Variants in MBD5 observed in about 807,000 individuals in gnomAD.
MBD5 encodes methyl-CpG binding domain protein 5, also known as methyl-CpG-binding domain protein 5.
MBD5 carries 13 observed loss-of-function variants against 117.3 expected under a neutral mutation model. The observed-to-expected ratio is 0.11, with a 90% confidence interval of 0.07 to 0.18. The LOEUF is 0.18. Among genes scored for constraint, MBD5 ranks in the 10% least tolerant of loss-of-function variants. The pLI is 1.00. For synonymous variants in MBD5, 727 were observed against 766.4 expected, an observed-to-expected ratio of 0.95 and a Z score of 0.85; for missense variants, 1,879 against 2,093.8, an observed-to-expected ratio of 0.90 and a Z score of 2.00.
At chr2:148,116,567 C>A (rs927246565) in intron 1 of MBD5, among the ~76,000 whole-genome samples, 1 of 152,142 alleles carries the variant, frequency 6.6e-6, no homozygotes, top group Non-Finnish European at 1.5e-5. Flanking sequence ...CCAGGGTGGA[C>A]GTGTAGGTTA....
At chr2:148,201,812 T>C (rs1394935503) in intron 2 of MBD5, among the ~76,000 whole-genome samples, 2 of 152,116 alleles carry the variant, frequency 1.3e-5, no homozygotes, top group East Asian at 3.9e-4. Flanking sequence ...GGGCTCAGAC[T>C]GGGGGAGTGT....
At position 148,468,812 on chromosome 2, in the gene MBD5, C is replaced by A; in HGVS notation, c.869C>A (p.Ala290Glu). 1.2e-6 allele frequency: 2 copies of A among 1,613,912 alleles called. No individual in the cohort carries two copies. Among genetic ancestry groups the A allele is most frequent in the African/African-American group, 2.7e-5 (2 of 75,004 alleles). Reference sequence around the variant, plus strand: ...GGTTCTCCTGTACAGTCATCCTGTGCAATGGCTGGAAGGACTAATATACCT... The same window carrying A: ...GGTTCTCCTGTACAGTCATCCTGTGAAATGGCTGGAAGGACTAATATACCT... ...LHGSPVQSSC[A>E]MAGRTNIPLS... The change falls in exon 8 of 14, where the codon GCA becomes GAA. Residue 290 changes from alanine (A) to glutamate (E), a missense_variant. Transcript: ENST00000642680.
intron 1 of MBD5, among the ~76,000 whole-genome samples, chr2:148,087,354 C>G (rs1695822048): frequency 6.6e-6 from 1 of 152,232 alleles, no homozygotes; most frequent in South Asian, 2.1e-4. Flanking sequence ...CTGCAACATC[C>G]TGGCTAACCA....
At chr2:148,298,352 C>G (rs1368285694) in intron 3 of MBD5, among the ~76,000 whole-genome samples, 2 of 152,144 alleles carry the variant, frequency 1.3e-5, no homozygotes, top group Admixed American at 6.5e-5. Context: ...GTAATCTTGA[C>G]CACACCTACC....
At position 148,510,074 on chromosome 2, in the gene MBD5, A is replaced by G. The variant is rs762025518; in HGVS notation, c.5051A>G (p.Asn1684Ser). 6.2e-7 allele frequency: 1 copy of G among 1,611,760 alleles called. No homozygotes were observed. The highest frequency in any genetic ancestry group is 1.1e-5 in the South Asian group (1 of 91,012). Residue 1684 changes from asparagine (N) to serine (S), a missense_variant, in exon 13 of 14, where the codon AAT becomes AGT. Asn to Ser is a conservative substitution (Grantham distance 46, BLOSUM62 1). Around this residue, in one of 4 missense-constraint regions of MBD5, gnomAD observed 135 missense variants for 148.0 expected, o/e 0.91. Transcript: ENST00000642680. ...RKRNRKSGKL[N>S]NHLEAAIHEA... The stretch of plus-strand genomic sequence containing the variant: ...ATTAATTCCAGAAGTGGAAAGCTAA[A>G]TAACCATTTAGAAGCTGCTATTCAT...
intron 5 of MBD5, among the ~76,000 whole-genome samples, chr2:148,462,233 G>A (rs2105567336): frequency 6.6e-6 from 1 of 152,266 alleles, no homozygotes; most frequent in Non-Finnish European, 1.5e-5. Flanking sequence ...TAAAATGAGA[G>A]TCATTGCTTT....
At chr2:148,467,506 A>T (rs1680589640) in intron 7 of MBD5, among the ~76,000 whole-genome samples, 2 of 152,182 alleles carry the variant, frequency 1.3e-5, no homozygotes, top group South Asian at 4.1e-4. Context: ...AAAGAATTGA[A>T]GTCTGTGGCC....
intron 3 of MBD5, chr2:148,296,420 A>G (rs1295601512): frequency 1.3e-5 from 2 of 154,808 alleles, no homozygotes; most frequent in Non-Finnish European, 2.9e-5. Context: ...GCACATTAAA[A>G]TTTTCCTTCT....
At chr2:148,412,507 A>G (rs1705291885) in intron 4 of MBD5, among the ~76,000 whole-genome samples, 1 of 151,918 alleles carries the variant, frequency 6.6e-6, no homozygotes, top group Non-Finnish European at 1.5e-5. Context: ...TGTCATTGGT[A>G]GTTTTGTAGG....
In MBD5 at chr2:148,468,878, A is replaced by T. The variant is rs146031838; in HGVS notation, c.935A>T (p.Lys312Ile). 1.7e-5 allele frequency: 28 copies of T among 1,613,800 alleles called. No individual in the cohort carries two copies. In the African/African-American group the frequency reaches 3.3e-4, roughly 19 times the overall value. The change falls in exon 8 of 14, where the codon AAA becomes ATA. Residue 312 changes from lysine (K) to isoleucine (I), a missense_variant. This residue lies in a region of MBD5 where 1,666 missense variants were observed against 1,792.2 expected (regional missense o/e 0.93). Coordinates refer to ENST00000642680, the MANE Select transcript of MBD5 (RefSeq NM_001378120.1). ...TLTTKSPVMK[K>I]PMCNFSTNME... ...ACTACAAAGAGTCCAGTAATGAAAA[A>T]ACCAATGTGTAATTTTTCAACTAAT...
chr2:148,132,283 G>C (rs2105475492), intron 1 of MBD5, among the ~76,000 whole-genome samples: 1 of 149,738 alleles, frequency 6.7e-6, no homozygotes, highest in Non-Finnish European at 1.5e-5. Context: ...TTTTTCTAGA[G>C]ACCTTCAAGT....
intron 1 of MBD5, among the ~76,000 whole-genome samples, chr2:148,098,543 G>A (rs1346686353): frequency 6.6e-6 from 1 of 152,114 alleles, no homozygotes; most frequent in Non-Finnish European, 1.5e-5. Context: ...GACGGAGCCC[G>A]GTGGACAGTA....
intron 1 of MBD5, among the ~76,000 whole-genome samples, chr2:148,111,953 T>C (rs935320856): frequency 6.6e-6 from 1 of 152,186 alleles, no homozygotes; most frequent in African/African-American, 2.4e-5. Context: ...ATAAAAGTTA[T>C]ATGAATGTGG....
At chr2:148,266,517 A>C (rs1406517630) in intron 3 of MBD5, among the ~76,000 whole-genome samples, 1 of 152,100 alleles carries the variant, frequency 6.6e-6, no homozygotes, top group African/African-American at 2.4e-5. Flanking sequence ...TTATACTAGA[A>C]GTTCTACCCA....
Position 148,241,882 on chromosome 2 carries a change from A to G in MBD5, c.-680+8487A>G, listed in dbSNP as rs566954457. On this transcript the variant is annotated intron_variant, in intron 3 of 13. Coordinates refer to ENST00000642680, the MANE Select transcript of MBD5 (RefSeq NM_001378120.1). ...TGCTTATTGGCTTTAGTATTTTTTC[A>G]CCATTTACAGTTGTTGTCAGTGAGA... Among the ~76,000 whole-genome samples the G allele has an allele frequency of 5.3e-5, 8 of 152,158 alleles. No individual in the cohort carries two copies. The South Asian group carries it at 1.5e-3, about 28-fold the overall frequency.
chr2:148,093,994 CTTG>C (rs765434980), intron 1 of MBD5, among the ~76,000 whole-genome samples: 1 of 152,030 alleles, frequency 6.6e-6, no homozygotes, highest in Non-Finnish European at 1.5e-5. Flanking sequence ...CTTGGAGAAA[CTTG>C]TTGTGTTCTC....
At chr2:148,239,674 A>T (rs1006784915) in intron 3 of MBD5, among the ~76,000 whole-genome samples, 1 of 78,708 alleles carries the variant, frequency 1.3e-5, no homozygotes. Flanking sequence ...GAACAAGTTT[A>T]TTTTATTTAC....
chr2:148,047,436 G>C (rs1345164625), intron 1 of MBD5, among the ~76,000 whole-genome samples: 1 of 152,152 alleles, frequency 6.6e-6, no homozygotes, highest in East Asian at 1.9e-4. Context: ...ATGGGCAATG[G>C]CAATTCTAGA....
intron 4 of MBD5, among the ~76,000 whole-genome samples, chr2:148,407,196 A>G (rs1705105751): frequency 6.6e-6 from 1 of 152,228 alleles, no homozygotes; most frequent in South Asian, 2.1e-4. Context: ...TAAGATGAAA[A>G]AGATGAACAT....
Sources: allele counts gnomAD v4.1 joint callset (sites outside exome capture counted in the v4.1 genomes callset), GRCh38; gene constraint gnomAD v4.1.1; regional missense constraint gnomAD v4.1.1; transcripts MANE v1.5; gene names NCBI Gene and HGNC (gene_info 2026-07-23, HGNC 2026-07-21).